The following GCLC variants were observed in gnomAD, a reference collection of about 807,000 sequenced individuals.
GCLC encodes glutamate-cysteine ligase catalytic subunit, also known as glutamate--cysteine ligase catalytic subunit.
Under a neutral mutation model 81.5 loss-of-function variants are expected in GCLC, and 30 were observed. The observed-to-expected ratio is 0.37, with a 90% confidence interval of 0.28 to 0.50. The LOEUF (loss-of-function observed/expected upper bound fraction) is 0.50. GCLC is among the 20% of genes least tolerant of loss of function. The pLI, the probability that GCLC is intolerant of heterozygous loss-of-function variation, is 0.96. For synonymous variants in GCLC, 262 were observed against 273.3 expected (o/e 0.96, Z 0.41); for missense variants, 556 against 777.4 (o/e 0.72, Z 3.39).
At chr6:53,505,569 C>A (rs1306215436) in intron 11 of GCLC, 73 bp from the exon 12 acceptor site, 1 of 851,450 alleles carries the variant, frequency 1.2e-6, no homozygotes, top group East Asian at 2.6e-5. Context: ...CAGGCCCTTC[C>A]TCAGATCATG....
Position 53,532,854 on chromosome 6 carries a change from T to C in GCLC, c.151-10327A>G, listed in dbSNP as rs1763196073. On this transcript the variant is annotated intron_variant, in intron 1 of 15. Coordinates refer to ENST00000650454, the MANE Select transcript of GCLC (RefSeq NM_001498.4). ...CTGTTTTGGGGGCTCTTTCGTAGTA[T>C]TGTGTGGAAATAAGTTCAACTACTA... 2.6e-5 allele frequency among the ~76,000 whole-genome samples: 4 copies of C among 152,158 alleles called. No individual in the cohort carries two copies. The South Asian group carries it at 6.2e-4, about 24-fold the overall frequency.
chr6:53,500,272 C>T lies in GCLC; in HGVS notation c.1556G>A (p.Ser519Asn), dbSNP rs1764482834. Reference protein sequence around the residue: ...ELAAEEYTLMSIDTIINGKEG... With the variant: ...ELAAEEYTLMNIDTIINGKEG... ...CTTCCCATTGATGATGGTGTCTATG[C>T]TCATGAGGGTGTACTCCTCTGCAGC... Residue 519 changes from serine to asparagine, a missense_variant, in exon 14 of 16, where the codon AGC (serine) becomes AAC (asparagine). Ser to Asn is a conservative substitution (Grantham distance 46, BLOSUM62 1). Around this residue, in one of 3 missense-constraint regions of GCLC, gnomAD observed 313 missense variants for 437.3 expected, o/e 0.72. Transcript: ENST00000650454. 6.2e-7 allele frequency: 1 copy of T among 1,613,960 alleles called. No homozygotes were observed. The highest frequency in any genetic ancestry group is 1.7e-5 in the Admixed American group (1 of 60,006).
chr6:53,544,791 G>T lies in GCLC; in HGVS notation c.-146C>A. On this transcript the variant is annotated 5_prime_UTR_variant, in exon 1 of 16. Coordinates refer to ENST00000650454, the MANE Select transcript of GCLC (RefSeq NM_001498.4). ...TCGGGCCGCAGTCGGCGGAGGGAGGGTCCTGCCCGCTCCGGCTCCCCGGCG... is the reference window on the plus strand; with the variant it reads ...TCGGGCCGCAGTCGGCGGAGGGAGGTTCCTGCCCGCTCCGGCTCCCCGGCG... 1 of 687,158 alleles carries T rather than the reference G, an allele frequency of 1.5e-6. No individual in the cohort carries two copies. Among genetic ancestry groups the T allele is most frequent in the Non-Finnish European group, 2.2e-6 (1 of 459,352 alleles). The allele number at this position is 687,158 out of a possible 1,614,324, so 42.6% of individuals were successfully genotyped here. A position where few individuals can be genotyped will look rare whatever the true frequency, so the allele number is the denominator to read the frequency against.
In GCLC at chr6:53,498,986, CG is replaced by C; in HGVS notation, c.1703-20del. Reference sequence around the variant, plus strand: ...AGTTCTCCTGTGGGCGAGGGGGGAGCGAAAAAAAAATTAAAACCACGTAAGT... The same window carrying C: ...AGTTCTCCTGTGGGCGAGGGGGGAGCAAAAAAAAATTAAAACCACGTAAGT... On this transcript the variant is annotated intron_variant, in intron 15 of 15. Transcript: ENST00000650454. 1 of 1,535,872 alleles carries C rather than the reference CG, an allele frequency of 6.5e-7. No individual in the cohort carries two copies. The highest frequency in any genetic ancestry group is 8.9e-7 in the Non-Finnish European group (1 of 1,122,846).
In GCLC at chr6:53,508,571, CTAT is replaced by C. The variant is rs745595277; in HGVS notation, c.945+21_945+23del. ...ATTTTACCTGCTTGACTTAAAAGGG[CTAT>C]TAAGGAAAAACAATTCCCACCTCCA... On this transcript the variant is annotated intron_variant, in intron 8 of 15. Transcript: ENST00000650454. 5 of 1,326,430 alleles carry C rather than the reference CTAT, an allele frequency of 3.8e-6. No individual in the cohort carries two copies. In the African/African-American group the frequency reaches 7.2e-5, roughly 19 times the overall value. The allele number at this position is 1,326,430 out of a possible 1,614,324, so 82.2% of individuals were successfully genotyped here. A position where few individuals can be genotyped will look rare whatever the true frequency, so the allele number is the denominator to read the frequency against.
At chr6:53,500,753 A>C in intron 12 of GCLC, 2 of 566,386 alleles carry the variant, frequency 3.5e-6, no homozygotes, top group South Asian at 4.1e-5. Context: ...TAAAACCCAA[A>C]ACTTATATTC....
intron 3 of GCLC, among the ~76,000 whole-genome samples, chr6:53,519,616 A>G (rs1005872090): frequency 4.6e-5 from 7 of 152,104 alleles, no homozygotes; most frequent in Admixed American, 4.6e-4. Flanking sequence ...TGCAGCAGGC[A>G]CTCAAGTGTC....
chr6:53,508,518 T>G, intron 8 of GCLC, 77 bp downstream of exon 8: 1 of 895,724 alleles, frequency 1.1e-6, no homozygotes, highest in Non-Finnish European at 1.9e-6. Context: ...GGAGACATCC[T>G]GAAATTGCAA....
chr6:53,512,822 G>A (rs537590603), intron 6 of GCLC, among the ~76,000 whole-genome samples: 2 of 152,144 alleles, frequency 1.3e-5, no homozygotes, highest in South Asian at 4.1e-4. Flanking sequence ...TGCGGTCTTC[G>A]GCAGAACACC....
At chr6:53,544,137 A>G (rs1396874970) in intron 1 of GCLC, among the ~76,000 whole-genome samples, 1 of 152,238 alleles carries the variant, frequency 6.6e-6, no homozygotes, top group Admixed American at 6.5e-5. Context: ...GCGAATTTTG[A>G]GCCTGTAAGG....
At chr6:53,531,027 C>T (rs1403602099) in intron 1 of GCLC, among the ~76,000 whole-genome samples, 2 of 152,158 alleles carry the variant, frequency 1.3e-5, no homozygotes, top group Non-Finnish European at 2.9e-5. Context: ...CTTCTCGATG[C>T]TTCAGTTTTT....
intron 12 of GCLC, among the ~76,000 whole-genome samples, chr6:53,504,624 A>G (rs1210302871): frequency 2.0e-5 from 3 of 152,174 alleles, no homozygotes; most frequent in Non-Finnish European, 4.4e-5. Context: ...ATGGGCTGAC[A>G]GCCAGATTTC....
chr6:53,514,110 T>G, intron 6 of GCLC, 94 bp downstream of exon 6: 1 of 1,201,940 alleles, frequency 8.3e-7, no homozygotes, highest in Non-Finnish European at 1.2e-6. Context: ...CTCATTAAAA[T>G]GTGATTTTTG....
At position 53,507,465 on chromosome 6, in the gene GCLC, G is replaced by T. The variant is rs1443880820; in HGVS notation, c.1084+15C>A. ...GGCGTACATTCAAACCCAGAAAGAT[G>T]GAGTAGAAACCCACCTTCCTGCAAC... On this transcript the variant is annotated intron_variant, in intron 9 of 15. Coordinates refer to ENST00000650454, the MANE Select transcript of GCLC (RefSeq NM_001498.4). 6.2e-7 allele frequency: 1 copy of T among 1,612,430 alleles called. No individual in the cohort carries two copies. The highest frequency in any genetic ancestry group is 8.5e-7 in the Non-Finnish European group (1 of 1,179,118).
intron 1 of GCLC, among the ~76,000 whole-genome samples, chr6:53,543,020 G>A (rs1162623403): frequency 6.6e-6 from 1 of 151,974 alleles, no homozygotes; most frequent in African/African-American, 2.4e-5. Context: ...AAAAAAAAGA[G>A]CAGCACAAAA....
intron 1 of GCLC, among the ~76,000 whole-genome samples, chr6:53,526,790 T>G: frequency 1.2e-5 from 1 of 85,888 alleles, no homozygotes. Context: ...AGAGCAAGAC[T>G]CCGCCTCAAA....
chr6:53,505,757 C>CG, intron 11 of GCLC, 46 bp downstream of exon 11: 1 of 1,105,396 alleles, frequency 9.0e-7, no homozygotes, highest in Non-Finnish European at 1.4e-6. Context: ...GAACAGCTGG[C>CG]GAAAGAGTAC....
intron 1 of GCLC, among the ~76,000 whole-genome samples, chr6:53,527,676 A>G (rs2268327): frequency 0.024 from 3,657 of 152,294 alleles, 131 homozygotes; most frequent in East Asian, 0.18. Flanking sequence ...AAAATGACCA[A>G]AGAGAGCTGT....
rs1455344280 is a variant in GCLC, at chr6:53,499,754, CA to C, written c.1702+290del. Among the ~76,000 whole-genome samples the C allele has an allele frequency of 5.3e-5, 8 of 152,212 alleles. No homozygotes were observed. The East Asian group carries it at 1.5e-3, about 29-fold the overall frequency. ...AAAAGGGCCCATGATGATGTAAGAT[CA>C]ACACAGTTGGACGTAAATGATAAGT... On this transcript the variant is annotated intron_variant, in intron 15 of 15. Coordinates refer to ENST00000650454, the MANE Select transcript of GCLC (RefSeq NM_001498.4).
Sources: allele counts gnomAD v4.1 joint callset (sites outside exome capture counted in the v4.1 genomes callset), GRCh38; gene constraint gnomAD v4.1.1; regional missense constraint gnomAD v4.1.1; transcripts MANE v1.5; gene names NCBI Gene and HGNC (gene_info 2026-07-23, HGNC 2026-07-21).